L3MBTL4: variants seen among roughly 807,000 people sequenced by gnomAD.
L3MBTL4 encodes L3MBTL histone methyl-lysine binding protein 4, also known as lethal(3)malignant brain tumor-like protein 4.
Under a neutral mutation model 84.5 loss-of-function variants are expected in L3MBTL4, and 70 were observed. That is an observed-to-expected ratio of 0.83 (90% CI 0.68 to 1.01). L3MBTL4 has a LOEUF of 1.01. L3MBTL4 is among the 50% of genes least tolerant of loss of function. L3MBTL4 has a pLI of 0.00. For missense variants in L3MBTL4, 715 were observed against 754.8 expected (o/e 0.95, Z 0.62); for synonymous variants, 274 against 259.8 (o/e 1.05, Z -0.52).
At chr18:6,044,776 C>T (rs1201365461) in intron 16 of L3MBTL4, among the ~76,000 whole-genome samples, 1 of 152,170 alleles carries the variant, frequency 6.6e-6, no homozygotes, top group African/African-American at 2.4e-5. Context: ...CCTGCCTTCA[C>T]CATGTCTTCT....
At chr18:6,020,584 A>AT (rs1555631471) in intron 16 of L3MBTL4, among the ~76,000 whole-genome samples, 3 of 152,186 alleles carry the variant, frequency 2.0e-5, no homozygotes, top group Non-Finnish European at 4.4e-5. Context: ...ATAAGGAGAC[A>AT]CCATCCTGTA....
intron 1 of L3MBTL4, among the ~76,000 whole-genome samples, chr18:6,336,950 C>T (rs964984566): frequency 6.6e-6 from 1 of 152,058 alleles, no homozygotes; most frequent in African/African-American, 2.4e-5. Context: ...GTATATTTCA[C>T]CAGATATCTG....
chr18:6,055,473 G>A (rs2056988534), intron 16 of L3MBTL4, among the ~76,000 whole-genome samples: 1 of 152,058 alleles, frequency 6.6e-6, no homozygotes, highest in Admixed American at 6.5e-5. Flanking sequence ...TTCTTCGATA[G>A]TATGTTAAAG....
intron 4 of L3MBTL4, among the ~76,000 whole-genome samples, chr18:6,289,803 TA>T (rs764644855): frequency 1.4e-4 from 21 of 152,236 alleles, no homozygotes; most frequent in Non-Finnish European, 2.8e-4. Context: ...TTTCATGCAG[TA>T]TAACTTGATT....
intron 13 of L3MBTL4, among the ~76,000 whole-genome samples, chr18:6,161,162 G>A (rs1333663994): frequency 6.6e-6 from 1 of 152,168 alleles, no homozygotes; most frequent in Non-Finnish European, 1.5e-5. Context: ...CTAACTGTAG[G>A]AAAAGCCCAC....
intron 16 of L3MBTL4, among the ~76,000 whole-genome samples, chr18:5,973,277 T>A (rs746289541): frequency 1.3e-4 from 20 of 152,106 alleles, no homozygotes; most frequent in Non-Finnish European, 2.6e-4. Flanking sequence ...TTTGCAGAAG[T>A]CCTAGTGGAA....
intron 1 of L3MBTL4, among the ~76,000 whole-genome samples, chr18:6,354,026 C>T (rs773886383): frequency 6.6e-6 from 1 of 152,096 alleles, no homozygotes; most frequent in South Asian, 2.1e-4. Flanking sequence ...TACCTGACTG[C>T]AAATTATACT....
chr18:6,061,508 A>C (rs1405878170), intron 16 of L3MBTL4, among the ~76,000 whole-genome samples: 1 of 151,888 alleles, frequency 6.6e-6, no homozygotes, highest in Non-Finnish European at 1.5e-5. Context: ...CAACTTATCT[A>C]GTTTCTTTTT....
chr18:5,963,448 C>T (rs988900291), intron 17 of L3MBTL4, among the ~76,000 whole-genome samples: 4 of 152,350 alleles, frequency 2.6e-5, no homozygotes, highest in African/African-American at 7.2e-5. Context: ...GGCCCTGCCC[C>T]GTGGTGGCCT....
At chr18:6,285,594 AG>A (rs2052787522) in intron 4 of L3MBTL4, among the ~76,000 whole-genome samples, 2 of 152,000 alleles carry the variant, frequency 1.3e-5, no homozygotes, top group African/African-American at 4.8e-5. Flanking sequence ...TCAGGGAAAA[AG>A]CACCCAGGGC....
intron 16 of L3MBTL4, among the ~76,000 whole-genome samples, chr18:6,009,057 G>A (rs1052792949): frequency 1.3e-5 from 2 of 152,192 alleles, no homozygotes; most frequent in Admixed American, 6.5e-5. Context: ...CACAGACCTC[G>A]GGAGGGGTGA....
chr18:5,965,130 C>T (rs2052282045), intron 17 of L3MBTL4, among the ~76,000 whole-genome samples: 1 of 152,330 alleles, frequency 6.6e-6, no homozygotes, highest in Non-Finnish European at 1.5e-5. Flanking sequence ...TCCTTATAAC[C>T]TATGAAGTGC....
At chr18:6,290,520 C>T (rs887809656) in intron 4 of L3MBTL4, among the ~76,000 whole-genome samples, 1 of 138,482 alleles carries the variant, frequency 7.2e-6, no homozygotes. Context: ...GACTGGAATT[C>T]TTTTATTTTT....
At chr18:6,099,850 T>A (rs2058762636) in intron 14 of L3MBTL4, among the ~76,000 whole-genome samples, 1 of 151,930 alleles carries the variant, frequency 6.6e-6, no homozygotes, top group Non-Finnish European at 1.5e-5. Context: ...TATATCTATA[T>A]CTATCTACCT....
rs185413987 is a variant in L3MBTL4, at chr18:5,995,327, C to T, written c.1445-25765G>A. Among the ~76,000 whole-genome samples, 207 of 152,354 alleles carry T rather than the reference C, an allele frequency of 1.4e-3. 1 individual carries two copies. Among genetic ancestry groups the T allele is most frequent in the Admixed American group, 3.2e-3 (49 of 15,306 alleles). ...TGGTGACGGTGACAGTGACGCTGGG[C>T]TCCACGTTTACTGCCCTGTGAAGCC... On this transcript the variant is annotated intron_variant, in intron 16 of 18. Transcript: ENST00000317931.
rs146761864 is a variant in L3MBTL4 at position 6,310,906 on chromosome 18, T to C, written c.72+648A>G. Among the ~76,000 whole-genome samples the C allele has an allele frequency of 7.9e-5, 12 of 152,304 alleles. No individual in the cohort carries two copies. In the East Asian group the frequency reaches 1.9e-3, roughly 25 times the overall value. On this transcript the variant is annotated intron_variant, in intron 3 of 18. Coordinates refer to ENST00000317931, the MANE Select transcript of L3MBTL4 (RefSeq NM_001330559.2). ...AGGCTTCGATCAAAGTAGATCACTC[T>C]GTAATGAGGGTGGGTCTCATTTAAT...
At chr18:6,326,881 T>C (rs1568497156) in intron 1 of L3MBTL4, among the ~76,000 whole-genome samples, 1 of 152,244 alleles carries the variant, frequency 6.6e-6, no homozygotes, top group African/African-American at 2.4e-5. Context: ...AAGCATTGTA[T>C]GTTCATTAAT....
intron 4 of L3MBTL4, among the ~76,000 whole-genome samples, chr18:6,281,126 C>T (rs1400937980): frequency 6.6e-6 from 1 of 152,122 alleles, no homozygotes; most frequent in African/African-American, 2.4e-5. Context: ...TCCAAATGCT[C>T]AGTAACTGGG....
intron 14 of L3MBTL4, among the ~76,000 whole-genome samples, chr18:6,114,301 A>G (rs1402285690): frequency 6.6e-6 from 1 of 152,108 alleles, no homozygotes. Flanking sequence ...GGCTGACTCC[A>G]CTAATATGCC....
Sources: gnomAD v4.1 joint callset for allele counts (sites outside exome capture counted in the v4.1 genomes callset) on GRCh38, gnomAD v4.1.1 for gene constraint, MANE v1.5 for transcripts, NCBI Gene and HGNC (gene_info 2026-07-23, HGNC 2026-07-21) for gene names.